BRAF: variants seen among roughly 807,000 people sequenced by gnomAD.
BRAF encodes serine/threonine-protein kinase B-raf.
In BRAF, 16 loss-of-function variants were observed where a neutral mutation model predicts 104.6. The ratio of observed to expected loss-of-function variants is 0.15; its 90% CI spans 0.10 to 0.23. The LOEUF (loss-of-function observed/expected upper bound fraction) is 0.23. BRAF is among the 10% of genes least tolerant of loss of function. The pLI is 1.00. For missense variants in BRAF, 541 were observed against 937.3 expected (o/e 0.58, Z 5.52); for synonymous variants, 310 against 341.6 (o/e 0.91, Z 1.02).
In BRAF at chr7:140,781,678, G is replaced by A. The variant is rs121913371; in HGVS notation, c.1450C>T (p.Arg484Trp). Reference sequence around the variant, plus strand: ...ATCTCCCAATCATCACTCGAGTCCCGTCTACCAAGTGTTTTCTTGATAAAA... The same window carrying A: ...ATCTCCCAATCATCACTCGAGTCCCATCTACCAAGTGTTTTCTTGATAAAA... ...DRNRMKTLGR[R>W]DSSDDWEIPD... The change falls in exon 12 of 20, where the codon CGG (arginine) becomes TGG (tryptophan). Residue 484 changes from arginine (R) to tryptophan (W), a missense_variant. Physicochemically the swap from Arg to Trp is moderately radical, Grantham distance 101 (BLOSUM62 -3). Coordinates refer to ENST00000644969, the MANE Select transcript of BRAF (RefSeq NM_001374258.1). 1 of 1,613,628 alleles carries A rather than the reference G, an allele frequency of 6.2e-7. No individual in the cohort carries two copies. The highest frequency in any genetic ancestry group is 1.7e-5 in the Admixed American group (1 of 59,980).
At chr7:140,849,302 C>T (rs1335822997) in intron 2 of BRAF, among the ~76,000 whole-genome samples, 1 of 152,032 alleles carries the variant, frequency 6.6e-6, no homozygotes, top group Non-Finnish European at 1.5e-5. Flanking sequence ...TATAAATTTA[C>T]AATTATGCTC....
At chr7:140,816,264 T>C (rs975204765) in intron 3 of BRAF, among the ~76,000 whole-genome samples, 2 of 152,346 alleles carry the variant, frequency 1.3e-5, no homozygotes, top group South Asian at 4.1e-4. Context: ...TTATTATTCC[T>C]GTCTACACAG....
chr7:140,780,153 A>G (rs1800725288), intron 12 of BRAF, among the ~76,000 whole-genome samples: 1 of 152,074 alleles, frequency 6.6e-6, no homozygotes, highest in Non-Finnish European at 1.5e-5. Context: ...AAGTGACATT[A>G]TATGTTATTA....
At chr7:140,758,183 T>G (rs1798361127) in intron 14 of BRAF, 1 of 152,172 alleles carries the variant, frequency 6.6e-6, no homozygotes, top group Non-Finnish European at 1.5e-5. Context: ...GGCAGCAAGA[T>G]GAGTCTCTCC....
Position 140,876,916 on chromosome 7 carries a change from T to TA in BRAF, c.139-26705dup, listed in dbSNP as rs1360210184. Among the ~76,000 whole-genome samples, 40 of 151,080 alleles carry TA rather than the reference T, an allele frequency of 2.6e-4. 1 individual carries two copies. Among genetic ancestry groups the TA allele is most frequent in the Middle Eastern group, 3.4e-3 (1 of 292 alleles). On this transcript the variant is annotated intron_variant, in intron 1 of 19. Coordinates refer to ENST00000644969, the MANE Select transcript of BRAF (RefSeq NM_001374258.1). ...GTCATAAGACAAACTTTCACAAGCT[T>TA]AAAAAAAAACCACAAACGTTTGTTC...
intron 1 of BRAF, among the ~76,000 whole-genome samples, chr7:140,888,216 A>G (rs1813795966): frequency 6.6e-6 from 1 of 152,158 alleles, no homozygotes; most frequent in Non-Finnish European, 1.5e-5. Flanking sequence ...TAGGGTTAGT[A>G]TCAGAGATGT....
intron 1 of BRAF, among the ~76,000 whole-genome samples, chr7:140,871,013 G>T (rs1309091564): frequency 2.0e-5 from 3 of 151,874 alleles, no homozygotes; most frequent in Non-Finnish European, 2.9e-5. Context: ...AGACCACAAG[G>T]TCAGGAGATC....
rs914156189 is a variant in BRAF at position 140,721,898 on chromosome 7, G to A, written c.*4596C>T. On this transcript the variant is annotated 3_prime_UTR_variant, in exon 20 of 20. Transcript: ENST00000644969. The stretch of plus-strand genomic sequence containing the variant: ...GCAGTCCAGCTTCATGTGCAATCAA[G>A]TCCCGGGAAGAAATTTACATTTCAA... 2 of 1,255,052 alleles carry A rather than the reference G, an allele frequency of 1.6e-6. No homozygotes were observed. Among genetic ancestry groups the A allele is most frequent in the Non-Finnish European group, 2.0e-6 (2 of 1,002,188 alleles). The allele number at this position is 1,255,052 out of a possible 1,614,324, so 77.7% of individuals were successfully genotyped here. A position where few individuals can be genotyped will look rare whatever the true frequency, so the allele number is the denominator to read the frequency against.
rs756501278 is a variant in BRAF, at chr7:140,754,177, G to A, written c.1861+10C>T. ...TTTCAAACTTCGCAGACAAATTTCAGGAAGGATACTATTACTCTTGAGGTC... is the reference window on the plus strand; with the variant it reads ...TTTCAAACTTCGCAGACAAATTTCAAGAAGGATACTATTACTCTTGAGGTC... On this transcript the variant is annotated intron_variant, in intron 15 of 19. Coordinates refer to ENST00000644969, the MANE Select transcript of BRAF (RefSeq NM_001374258.1). The A allele has an allele frequency of 3.1e-6, 5 of 1,612,438 alleles. No individual in the cohort carries two copies. In the South Asian group the frequency reaches 3.3e-5, roughly 11 times the overall value.
intron 14 of BRAF, among the ~76,000 whole-genome samples, chr7:140,767,158 C>A (rs1228270521): frequency 6.6e-6 from 1 of 152,034 alleles, no homozygotes; most frequent in Non-Finnish European, 1.5e-5. Context: ...CACAGACCAC[C>A]ACGCCTGGCT....
intron 17 of BRAF, among the ~76,000 whole-genome samples, chr7:140,746,826 T>A (rs890825372): frequency 6.9e-6 from 1 of 144,836 alleles, no homozygotes; most frequent in Non-Finnish European, 1.5e-5. Flanking sequence ...CAAGACTCCG[T>A]CTTGGAAAAA....
chr7:140,790,705 C>T (rs9986821), intron 8 of BRAF, among the ~76,000 whole-genome samples: 1,838 of 152,250 alleles, frequency 0.012, 34 homozygotes, highest in African/African-American at 0.041. Flanking sequence ...TTTCCAAGCT[C>T]AAGGAATTTT....
At chr7:140,763,472 C>A (rs991036141) in intron 14 of BRAF, among the ~76,000 whole-genome samples, 3 of 152,146 alleles carry the variant, frequency 2.0e-5, no homozygotes, top group African/African-American at 7.2e-5. Context: ...GCTGACCCCC[C>A]CACCTCCTTC....
intron 1 of BRAF, among the ~76,000 whole-genome samples, chr7:140,907,507 G>C (rs6952601): frequency 0.3 from 45,653 of 151,834 alleles, 10,947 homozygotes; most frequent in African/African-American, 0.67. Context: ...GTGATCTGTC[G>C]GCCTCAGCCT....
At chr7:140,828,557 C>T (rs1410340799) in intron 3 of BRAF, among the ~76,000 whole-genome samples, 1 of 152,188 alleles carries the variant, frequency 6.6e-6, no homozygotes, top group African/African-American at 2.4e-5. Flanking sequence ...GAGTTTCCAA[C>T]AGCTTTCCTT....
At chr7:140,763,497 T>C (rs62487911) in intron 14 of BRAF, among the ~76,000 whole-genome samples, 21,396 of 152,166 alleles carry the variant, frequency 0.14, 2,290 homozygotes, top group African/African-American at 0.31. Context: ...ACGGGGCGGC[T>C]GGCCCAGGAG....
chr7:140,794,639 G>A (rs1802334027), intron 7 of BRAF, among the ~76,000 whole-genome samples, 172 bp from the exon 8 acceptor site: 1 of 152,112 alleles, frequency 6.6e-6, no homozygotes, highest in Non-Finnish European at 1.5e-5. Flanking sequence ...ATCCAATACT[G>A]CCAAAGCTGC....
rs1795235855 is a variant in BRAF at position 140,719,811 on chromosome 7, C to A, written c.*6683G>T. ...CAATTAAAAAGTCCCCATCTTTTCA[C>A]TGGGCACGCCCCAGACTCCACGAGA... On this transcript the variant is annotated 3_prime_UTR_variant, in exon 20 of 20. Transcript: ENST00000644969. The A allele has an allele frequency of 9.4e-7, 1 of 1,062,918 alleles. No homozygotes were observed. The highest frequency in any genetic ancestry group is 4.6e-5 in the South Asian group (1 of 21,960). 65.8% of individuals were successfully genotyped at this position (1,062,918 alleles called of 1,614,324 possible).
intron 14 of BRAF, among the ~76,000 whole-genome samples, chr7:140,776,660 A>T (rs1222085069): frequency 6.6e-6 from 1 of 152,204 alleles, no homozygotes; most frequent in Non-Finnish European, 1.5e-5. Context: ...TGCTTAGCTC[A>T]ATCACTGAGT....
Sources: gnomAD v4.1 joint callset for allele counts (sites outside exome capture counted in the v4.1 genomes callset) on GRCh38, gnomAD v4.1.1 for gene constraint, MANE v1.5 for transcripts, NCBI Gene and HGNC (gene_info 2026-07-23, HGNC 2026-07-21) for gene names.